ARHGEF40: variants seen among roughly 807,000 people sequenced by gnomAD.
ARHGEF40 encodes Rho guanine nucleotide exchange factor (GEF) 40.
ARHGEF40 carries 98 observed loss-of-function variants against 165.9 expected under a neutral mutation model. The ratio of observed to expected loss-of-function variants is 0.59; its 90% CI spans 0.50 to 0.70. The LOEUF is 0.70. Among genes scored for constraint, ARHGEF40 ranks in the 30% least tolerant of loss-of-function variants. The pLI, the probability that ARHGEF40 is intolerant of heterozygous loss-of-function variation, is 0.00. For missense variants in ARHGEF40, 1,815 were observed against 1,968.0 expected, an observed-to-expected ratio of 0.92 and a Z score of 1.47; for synonymous variants, 792 against 814.3, an observed-to-expected ratio of 0.97 and a Z score of 0.47.
chr14:21,083,021 C>A (rs1888049662), intron 16 of ARHGEF40, 104 bp downstream of exon 16: 11 of 948,224 alleles, frequency 1.2e-5, no homozygotes, highest in Non-Finnish European at 1.8e-5. Context: ...TGCCCAGGAA[C>A]ATCACCTACC....
At chr14:21,081,150 GC>G in intron 13 of ARHGEF40, 134 bp downstream of exon 13, 1 of 1,394,464 alleles carries the variant, frequency 7.2e-7, no homozygotes, top group Non-Finnish European at 9.6e-7. Context: ...TCTTAGCTCT[GC>G]CACCTCCTTG....
rs969505550 is a variant in ARHGEF40, at chr14:21,087,701, A to G, written c.4387+238A>G. ...TCTCTCTAGCTCTTCTTGGGTTTCT[A>G]TGGAAACTGCCTCAGCTTCCTGTTG... On this transcript the variant is annotated intron_variant, in intron 21 of 23. Transcript: ENST00000298694. 20 of 699,602 alleles carry G rather than the reference A, an allele frequency of 2.9e-5. No homozygotes were observed. The African/African-American group carries it at 3.2e-4, about 11-fold the overall frequency. 43.3% of individuals were successfully genotyped at this position (699,602 alleles called of 1,614,324 possible). A position where few individuals can be genotyped will look rare whatever the true frequency, so the allele number is the denominator to read the frequency against.
chr14:21,086,090 T>C (rs548026465), intron 19 of ARHGEF40: 10 of 526,938 alleles, frequency 1.9e-5, no homozygotes, highest in Non-Finnish European at 2.6e-5. Flanking sequence ...CAAGAGCAAG[T>C]AGGGGCCAGG....
Position 21,087,313 on chromosome 14 carries a change from T to TCTGCAGCCGC in ARHGEF40, c.4244-5_4248dup. On this transcript the variant is annotated splice_polypyrimidine_tract_variant and splice_region_variant and intron_variant, in intron 20 of 23. Transcript: ENST00000298694. ...GCACCCCACCCCCCACTCCCCACTC[T>TCTGCAGCCGC]CTGCAGCCGCCCGCACCCGGGCCTC... 6.2e-7 allele frequency: 1 copy of TCTGCAGCCGC among 1,602,720 alleles called. No individual in the cohort carries two copies. Among genetic ancestry groups the TCTGCAGCCGC allele is most frequent in the Non-Finnish European group, 8.5e-7 (1 of 1,176,680 alleles).
At position 21,074,756 on chromosome 14, in the gene ARHGEF40, A is replaced by G. The variant is rs1594553712; in HGVS notation, c.1026A>G (p.Gly342=). 1 of 1,609,804 alleles carries G rather than the reference A, an allele frequency of 6.2e-7. No individual in the cohort carries two copies. ...EVSEPPAEAV[G]EASGSCPLRP... Reference sequence around the variant, plus strand: ...CTGAGCCCCCAGCAGAGGCTGTGGGAGAAGCCTCCGGATCTTGCCCCCTGA... The same window carrying G: ...CTGAGCCCCCAGCAGAGGCTGTGGGGGAAGCCTCCGGATCTTGCCCCCTGA... The change falls in exon 3 of 24, where the codon GGA becomes GGG. Residue 342 remains glycine, a synonymous_variant. Transcript: ENST00000298694. This position sits in a 1 kb window ranked among gnomAD's most constrained non-coding sequence, Gnocchi z 4.8.
Position 21,075,225 on chromosome 14 carries a change from G to T in ARHGEF40, c.1450+45G>T, listed in dbSNP as rs774292705. ...GGCTCATGGGGCAAGGGCCAAAGCA[G>T]GTCGGGCCTATGGGAGGGGGCAGGA... On this transcript the variant is annotated intron_variant, in intron 3 of 23. Coordinates refer to ENST00000298694, the MANE Select transcript of ARHGEF40 (RefSeq NM_018071.5). The surrounding 1 kb of genome is among the most constrained non-coding windows in gnomAD (Gnocchi z 4.5). 44 of 1,584,584 alleles carry T rather than the reference G, an allele frequency of 2.8e-5. No individual in the cohort carries two copies. The highest frequency in any genetic ancestry group is 3.7e-5 in the Non-Finnish European group (43 of 1,166,088).
chr14:21,065,463 G>C (rs1490725271), upstream of ARHGEF40, among the ~76,000 whole-genome samples: 1 of 152,150 alleles, frequency 6.6e-6, no homozygotes, highest in East Asian at 1.9e-4. Flanking sequence ...TGACAAAATA[G>C]ACAAGGTCCC....
chr14:21,068,146 C>A (rs1396363396), upstream of ARHGEF40, among the ~76,000 whole-genome samples: 2 of 49,108 alleles, frequency 4.1e-5, 1 homozygote, highest in Non-Finnish European at 1.2e-4. Flanking sequence ...ACTACAGGCG[C>A]CCGCTACCAC....
chr14:21,083,526 G>A (rs1888100072), intron 16 of ARHGEF40, among the ~76,000 whole-genome samples: 1 of 152,134 alleles, frequency 6.6e-6, no homozygotes, highest in South Asian at 2.1e-4. Context: ...CTCCAGCCTG[G>A]GCGACAGAGC....
At chr14:21,082,988 C>T in intron 16 of ARHGEF40, 71 bp downstream of exon 16, 1 of 1,390,186 alleles carries the variant, frequency 7.2e-7, no homozygotes, top group East Asian at 2.3e-5. Flanking sequence ...CCCAACAAAT[C>T]CCTCAGGGCA....
chr14:21,080,199 GACACACACACAC>G (rs71112543), intron 11 of ARHGEF40, among the ~76,000 whole-genome samples: 28,798 of 135,218 alleles, frequency 0.21, 3,262 homozygotes, highest in Middle Eastern at 0.31. Flanking sequence ...ATTAAAGCCG[GACACACACACAC>G]ACACACACAC....
At position 21,087,971 on chromosome 14, in the gene ARHGEF40, C is replaced by G. The variant is rs1287799394; in HGVS notation, c.4391C>G (p.Pro1464Arg). The G allele has an allele frequency of 5.0e-6, 8 of 1,614,062 alleles. No individual in the cohort carries two copies. The highest frequency in any genetic ancestry group is 6.8e-6 in the Non-Finnish European group (8 of 1,180,020). The change falls in exon 22 of 24, where the codon CCA (proline) becomes CGA (arginine). Residue 1464 changes from proline (P) to arginine (R), a missense_variant. Transcript: ENST00000298694. The stretch of plus-strand genomic sequence containing the variant: ...CTCACCCTAGCTTCCCCTTCAGCCC[C>G]AGAAACACTTGACTCTTCTGGAGAT... ...DLDVKQISLA[P>R]ETLDSSGDVS...
chr14:21,077,926 A>G (rs1887558088), intron 8 of ARHGEF40, among the ~76,000 whole-genome samples: 1 of 152,230 alleles, frequency 6.6e-6, no homozygotes, highest in African/African-American at 2.4e-5. Context: ...GGCCCACGTT[A>G]GTTGCTAAAC....
At chr14:21,063,783 A>C in the ARHGEF40 span, among the ~76,000 whole-genome samples, 3 of 152,214 alleles carry the variant, frequency 2.0e-5, no homozygotes, top group Non-Finnish European at 4.4e-5. Flanking sequence ...GGGGTAGGAA[A>C]ATGTACAGAT....
rs776488472 is a variant in ARHGEF40 at position 21,080,822 on chromosome 14, G to T, written c.2496+40G>T. The T allele has an allele frequency of 1.9e-6, 3 of 1,603,628 alleles. No individual in the cohort carries two copies. The South Asian group carries it at 3.3e-5, about 18-fold the overall frequency. ...GAGGGCAGGTGAGAGGAGGCAGGGG[G>T]AGACTACCTAGGAGTGAGGACCAGG... On this transcript the variant is annotated intron_variant, in intron 12 of 23. Transcript: ENST00000298694.
In ARHGEF40 at chr14:21,073,270, C is replaced by T; in HGVS notation, c.201+28C>T. The T allele has an allele frequency of 6.4e-7, 1 of 1,569,486 alleles. No individual in the cohort carries two copies. The stretch of plus-strand genomic sequence containing the variant: ...GAGTGGCCGTGCATCACTATTCTGC[C>T]TTCCCCAAGATCCACTGCCACACTC... On this transcript the variant is annotated intron_variant, in intron 2 of 23. Transcript: ENST00000298694. The surrounding 1 kb of genome is among the most constrained non-coding windows in gnomAD (Gnocchi z 4.6).
At chr14:21,086,809 G>A in intron 19 of ARHGEF40, 192 bp from the exon 20 acceptor site, 1 of 561,046 alleles carries the variant, frequency 1.8e-6, no homozygotes, top group Non-Finnish European at 3.2e-6. Flanking sequence ...TGAGGAGGAA[G>A]TCACACCATC....
chr14:21,087,331 C>CGGA lies in ARHGEF40; in HGVS notation c.4257_4258insAGG (p.Arg1419dup). 6.2e-7 allele frequency: 1 copy of CGGA among 1,606,278 alleles called. No individual in the cohort carries two copies. The highest frequency in any genetic ancestry group is 1.1e-5 in the South Asian group (1 of 91,028). Reference sequence around the variant, plus strand: ...CCCACTCTCTGCAGCCGCCCGCACCCGGGCCTCCGTGGCCGTGTCATCCTT... The same window carrying CGGA: ...CCCACTCTCTGCAGCCGCCCGCACCCGGAGGGCCTCCGTGGCCGTGTCATCCTT... On this transcript the variant is annotated inframe_insertion, in exon 21 of 24. Coordinates refer to ENST00000298694, the MANE Select transcript of ARHGEF40 (RefSeq NM_018071.5).
At chr14:21,071,475 A>C (rs1001412557) in intron 1 of ARHGEF40, among the ~76,000 whole-genome samples, 1 of 152,132 alleles carries the variant, frequency 6.6e-6, no homozygotes, top group Non-Finnish European at 1.5e-5. Flanking sequence ...ACCCTCTGGC[A>C]GGGAGGCTGG....
Sources: gnomAD v4.1 joint callset for allele counts (sites outside exome capture counted in the v4.1 genomes callset) on GRCh38, gnomAD v4.1.1 for gene constraint, Gnocchi (gnomAD v3.1) non-coding constraint, MANE v1.5 for transcripts, NCBI Gene and HGNC (gene_info 2026-07-23, HGNC 2026-07-21) for gene names.